NDST3: variants seen among roughly 807,000 people sequenced by gnomAD.
NDST3 encodes N-deacetylase and N-sulfotransferase 3.
A neutral mutation model predicts 96.1 loss-of-function variants in NDST3; 58 were observed. The ratio of observed to expected loss-of-function variants is 0.60; its 90% CI spans 0.49 to 0.75. NDST3 has a LOEUF of 0.75. Ranked by LOEUF, NDST3 falls within the 30% of genes least tolerant of loss-of-function variation. NDST3 has a pLI of 0.00. For missense variants in NDST3, 788 were observed against 1,034.2 expected (o/e 0.76, Z 3.27); for synonymous variants, 333 against 359.7 (o/e 0.93, Z 0.84).
At chr4:118,103,255 G>A (rs1729906313) in intron 2 of NDST3, among the ~76,000 whole-genome samples, 1 of 151,878 alleles carries the variant, frequency 6.6e-6, no homozygotes, top group African/African-American at 2.4e-5. Flanking sequence ...AATAGATTTC[G>A]AATCTATATT....
At position 118,102,829 on chromosome 4, in the gene NDST3, T is replaced by C. The variant is rs1404325368; in HGVS notation, c.982-2189T>C. Among the ~76,000 whole-genome samples the C allele has an allele frequency of 2.6e-5, 4 of 152,272 alleles. No individual in the cohort carries two copies. In the East Asian group the frequency reaches 5.8e-4, roughly 22 times the overall value. ...TTTATCTTAAGTATATAAAATATCA[T>C]CTAGAAATAATTTTCCCCTCTTTAC... On this transcript the variant is annotated intron_variant, in intron 2 of 13. Transcript: ENST00000296499.
At chr4:118,169,101 T>C (rs546895033) in intron 6 of NDST3, among the ~76,000 whole-genome samples, 162 of 151,908 alleles carry the variant, frequency 1.1e-3, no homozygotes, top group African/African-American at 3.6e-3. Context: ...GTAAATTTCA[T>C]GTTATATTGT....
intron 6 of NDST3, among the ~76,000 whole-genome samples, chr4:118,170,761 G>A (rs1021289676): frequency 1.3e-5 from 2 of 152,044 alleles, no homozygotes; most frequent in Admixed American, 6.6e-5. Flanking sequence ...TAAGTGTGGT[G>A]AACTGTAAGT....
chr4:118,039,295 A>T (rs2110421734), intron 1 of NDST3, among the ~76,000 whole-genome samples: 2 of 152,302 alleles, frequency 1.3e-5, no homozygotes, highest in Admixed American at 1.3e-4. Context: ...TATTGCCTTG[A>T]CTGTTTGAGG....
chr4:118,126,335 G>A (rs1355705232), intron 4 of NDST3, among the ~76,000 whole-genome samples: 2 of 151,692 alleles, frequency 1.3e-5, no homozygotes, highest in South Asian at 2.1e-4. Context: ...CAATTGTTTC[G>A]AGTTTTATAT....
At chr4:118,204,915 T>G (rs899420401) in intron 6 of NDST3, among the ~76,000 whole-genome samples, 1 of 144,406 alleles carries the variant, frequency 6.9e-6, no homozygotes, top group Non-Finnish European at 1.5e-5. Context: ...AGTGTGAAAT[T>G]AGAGTCAACA....
chr4:118,224,719 A>G (rs769528527), intron 7 of NDST3, 46 bp downstream of exon 7: 9 of 1,453,882 alleles, frequency 6.2e-6, no homozygotes, highest in Middle Eastern at 3.7e-4. Context: ...TTCCAGGAAC[A>G]TAATTCTGTG....
At chr4:118,194,282 C>T in intron 6 of NDST3, 1 of 730,824 alleles carries the variant, frequency 1.4e-6, no homozygotes, top group South Asian at 1.5e-5. Context: ...ATAGCCTTCA[C>T]CGCAAGTCTG....
chr4:118,092,049 C>CTTAT (rs72446384), intron 2 of NDST3, among the ~76,000 whole-genome samples: 66 of 54,764 alleles, frequency 1.2e-3, no homozygotes, highest in East Asian at 8.0e-3. Context: ...TAGGTATTTT[C>CTTAT]TTATTTATTT....
At chr4:118,048,288 G>T (rs1421441603) in intron 1 of NDST3, among the ~76,000 whole-genome samples, 1 of 152,010 alleles carries the variant, frequency 6.6e-6, no homozygotes, top group Non-Finnish European at 1.5e-5. Context: ...TAAGCACACA[G>T]CCTGCAGGCA....
At chr4:118,232,922 A>C in intron 8 of NDST3, 90 bp from the exon 9 acceptor site, 1 of 1,251,674 alleles carries the variant, frequency 8.0e-7, no homozygotes, top group Admixed American at 2.0e-5. Flanking sequence ...TGTTTGGATC[A>C]TTCTAATATT....
At chr4:118,152,759 G>A (rs932078872) in intron 6 of NDST3, among the ~76,000 whole-genome samples, 5 of 152,062 alleles carry the variant, frequency 3.3e-5, no homozygotes, top group Non-Finnish European at 5.9e-5. Context: ...GCTTGTTTAC[G>A]GTTTCTGCAG....
At chr4:118,043,101 A>C (rs1261666165) in intron 1 of NDST3, among the ~76,000 whole-genome samples, 2 of 152,198 alleles carry the variant, frequency 1.3e-5, no homozygotes, top group Admixed American at 1.3e-4. Context: ...TGTTCAGTAA[A>C]TACCTGATCA....
At chr4:118,115,063 A>G (rs1578665039) in intron 4 of NDST3, 103 bp downstream of exon 4, 2 of 1,259,920 alleles carry the variant, frequency 1.6e-6, no homozygotes, top group Non-Finnish European at 2.2e-6. Flanking sequence ...GCTTTTCCAT[A>G]TGATCATTTG....
chr4:118,092,052 A>ATTTATTTATTTATTTG lies in NDST3; in HGVS notation c.982-12951_982-12950insGTTTATTTATTTATTT, dbSNP rs1376769900. Among the ~76,000 whole-genome samples the ATTTATTTATTTATTTG allele has an allele frequency of 1.4e-3, 103 of 72,224 alleles. 1 individual carries two copies. Among genetic ancestry groups the ATTTATTTATTTATTTG allele is most frequent in the Non-Finnish European group, 2.5e-3 (78 of 31,508 alleles). 47.4% of individuals were successfully genotyped at this position (72,224 alleles called of 152,430 possible). The stretch of plus-strand genomic sequence containing the variant: ...AACTCTGTGAGGTAGGTATTTTCTT[A>ATTTATTTATTTATTTG]TTTATTTATTTATTTATTTATTTAT... On this transcript the variant is annotated intron_variant, in intron 2 of 13. Transcript: ENST00000296499.
chr4:118,043,082 CA>C (rs1724560278), intron 1 of NDST3, among the ~76,000 whole-genome samples: 1 of 152,082 alleles, frequency 6.6e-6, no homozygotes, highest in Admixed American at 6.6e-5. Flanking sequence ...GCACTAATTC[CA>C]AAGTAGGTGT....
At chr4:118,093,031 A>AGG (rs869206772) in intron 2 of NDST3, among the ~76,000 whole-genome samples, 3 of 118,152 alleles carry the variant, frequency 2.5e-5, no homozygotes, top group Non-Finnish European at 5.7e-5. Context: ...CAGAGAAAAT[A>AGG]ACAGCATGAG....
At chr4:118,251,131 T>A (rs1214593960) in intron 12 of NDST3, among the ~76,000 whole-genome samples, 14 of 50,502 alleles carry the variant, frequency 2.8e-4, no homozygotes, top group African/African-American at 7.0e-4. Flanking sequence ...TTTTATTTTA[T>A]TTTTTTTTTT....
At chr4:118,169,423 GCCC>G (rs1735774921) in intron 6 of NDST3, among the ~76,000 whole-genome samples, 1 of 151,768 alleles carries the variant, frequency 6.6e-6, no homozygotes, top group Admixed American at 6.6e-5. Flanking sequence ...TTATTTTTTA[GCCC>G]CAAAATAAAG....
Sources: allele counts gnomAD v4.1 joint callset (sites outside exome capture counted in the v4.1 genomes callset), GRCh38; gene constraint gnomAD v4.1.1; transcripts MANE v1.5; gene names NCBI Gene and HGNC (gene_info 2026-07-23, HGNC 2026-07-21).